RBFOX1: variants seen among roughly 807,000 people sequenced by gnomAD.
The protein encoded by RBFOX1 is RNA binding protein fox-1 homolog 1.
A neutral mutation model predicts 57.7 loss-of-function variants in RBFOX1; 8 were observed. The observed-to-expected ratio is 0.14, with a 90% CI of 0.08 to 0.25. The LOEUF (loss-of-function observed/expected upper bound fraction) is 0.25. RBFOX1 is among the 10% of genes least tolerant of loss of function. The pLI is 1.00. For synonymous variants in RBFOX1, 326 were observed against 222.4 expected, an observed-to-expected ratio of 1.47 and a Z score of -4.15; for missense variants, 611 against 548.5, an observed-to-expected ratio of 1.11 and a Z score of -1.14.
At chr16:5,643,730 C>T (rs533225028) in intron 3 of RBFOX1, among the ~76,000 whole-genome samples, 7 of 152,072 alleles carry the variant, frequency 4.6e-5, no homozygotes, top group Non-Finnish European at 8.8e-5. Flanking sequence ...TTTATTGATT[C>T]TTTTACTGAT....
chr16:6,882,106 G>A (rs2063062782), intron 3 of RBFOX1, among the ~76,000 whole-genome samples: 1 of 152,172 alleles, frequency 6.6e-6, no homozygotes. Flanking sequence ...AGGTTAAGAT[G>A]TAAATTATTT....
intron 4 of RBFOX1, among the ~76,000 whole-genome samples, chr16:7,388,795 G>A (rs1057180524): frequency 1.3e-5 from 2 of 151,926 alleles, no homozygotes; most frequent in Non-Finnish European, 2.9e-5. Context: ...CCAAATGTAG[G>A]CTAATATAAG....
chr16:5,930,958 G>A (rs574853781), intron 4 of RBFOX1, among the ~76,000 whole-genome samples: 8 of 121,330 alleles, frequency 6.6e-5, no homozygotes, highest in Non-Finnish European at 1.0e-4. Context: ...GGGTGGGAGG[G>A]TGGATGGATG....
intron 3 of RBFOX1, among the ~76,000 whole-genome samples, chr16:6,858,317 A>G (rs1458086717): frequency 6.6e-6 from 1 of 152,212 alleles, no homozygotes; most frequent in Non-Finnish European, 1.5e-5. Flanking sequence ...AGATTAGGAT[A>G]TCTAGCTTAG....
At chr16:7,096,256 A>G (rs2061676017) in intron 4 of RBFOX1, among the ~76,000 whole-genome samples, 1 of 152,158 alleles carries the variant, frequency 6.6e-6, no homozygotes, top group South Asian at 2.1e-4. Context: ...AGCTAAGTGG[A>G]GACTCAAAGG....
chr16:5,888,588 G>A (rs2057958146), intron 4 of RBFOX1, among the ~76,000 whole-genome samples: 1 of 152,046 alleles, frequency 6.6e-6, no homozygotes, highest in African/African-American at 2.4e-5. Context: ...CTGAGGTCAG[G>A]AGTTCAAGAC....
At chr16:7,601,061 C>G (rs2094989914) in intron 9 of RBFOX1, among the ~76,000 whole-genome samples, 1 of 152,178 alleles carries the variant, frequency 6.6e-6, no homozygotes, top group Admixed American at 6.5e-5. Flanking sequence ...GCTGAATTCA[C>G]AAGGATTTCC....
chr16:7,315,510 G>C (rs1735010370), intron 4 of RBFOX1, among the ~76,000 whole-genome samples: 1 of 149,920 alleles, frequency 6.7e-6, no homozygotes, highest in African/African-American at 2.4e-5. Flanking sequence ...GAAAGTTTTA[G>C]CTATCTGGTT....
chr16:6,310,886 A>C (rs12102452), intron 1 of RBFOX1, among the ~76,000 whole-genome samples: 82,568 of 150,228 alleles, frequency 0.55, 23,328 homozygotes, highest in East Asian at 0.94. Flanking sequence ...AACAGGTGCA[A>C]ATTTACCAGT....
chr16:7,710,477 T>C, intron 15 of RBFOX1, 146 bp from the exon 16 acceptor site: 1 of 1,516,702 alleles, frequency 6.6e-7, no homozygotes, highest in Non-Finnish European at 8.7e-7. Flanking sequence ...CTATCTTTAG[T>C]TCTCCAAGAA....
rs536540103 is a variant in RBFOX1, at chr16:5,408,220, A to G, written c.220-58996A>G. On this transcript the variant is annotated intron_variant, in intron 1 of 2. Transcript: ENST00000585867. The stretch of plus-strand genomic sequence containing the variant: ...AGGCTTTTATTATCCCAGCTTGGCA[A>G]AACCTCAGCTTAGAGAAAGTGAAAG... Among the ~76,000 whole-genome samples the G allele has an allele frequency of 1.3e-3, 192 of 152,340 alleles. 1 individual carries two copies. The highest frequency in any genetic ancestry group is 4.2e-3 in the African/African-American group (176 of 41,584).
At chr16:6,394,452 T>C (rs1425726439) in intron 2 of RBFOX1, among the ~76,000 whole-genome samples, 2 of 151,956 alleles carry the variant, frequency 1.3e-5, no homozygotes, top group African/African-American at 2.4e-5. Flanking sequence ...AGAAAGAATA[T>C]TGCTTCTTGC....
chr16:6,815,793 T>G (rs753894843), intron 3 of RBFOX1, among the ~76,000 whole-genome samples: 2 of 152,210 alleles, frequency 1.3e-5, no homozygotes, highest in Non-Finnish European at 2.9e-5. Context: ...TCCAACTACC[T>G]AATAGTTTGC....
intron 2 of RBFOX1, among the ~76,000 whole-genome samples, chr16:6,411,371 A>G (rs1398550233): frequency 4.6e-5 from 7 of 152,170 alleles, no homozygotes; most frequent in African/African-American, 1.7e-4. Flanking sequence ...GCAAAAATGT[A>G]TATGTTTATG....
chr16:7,608,413 C>G (rs756750927), intron 10 of RBFOX1, among the ~76,000 whole-genome samples: 2 of 152,186 alleles, frequency 1.3e-5, no homozygotes, highest in Admixed American at 6.5e-5. Flanking sequence ...CTGGATTTTA[C>G]GTAGGCGATG....
intron 3 of RBFOX1, among the ~76,000 whole-genome samples, chr16:5,789,431 A>G (rs2054614967): frequency 6.6e-6 from 1 of 152,054 alleles, no homozygotes; most frequent in African/African-American, 2.4e-5. Context: ...GTATATTTAT[A>G]TGAGTGTGTG....
intron 13 of RBFOX1, among the ~76,000 whole-genome samples, chr16:7,671,398 C>T (rs2071387681): frequency 6.6e-6 from 1 of 152,190 alleles, no homozygotes; most frequent in African/African-American, 2.4e-5. Context: ...TGTCGATGCC[C>T]AGTGCCCCTT....
chr16:6,859,120 T>C (rs28734149), intron 3 of RBFOX1, among the ~76,000 whole-genome samples: 2 of 86,438 alleles, frequency 2.3e-5, no homozygotes, highest in Non-Finnish European at 3.9e-5. Flanking sequence ...TGTATATATA[T>C]ATATATATAC....
chr16:6,710,619 G>A (rs1458911981), intron 3 of RBFOX1, among the ~76,000 whole-genome samples: 2 of 152,218 alleles, frequency 1.3e-5, no homozygotes. Flanking sequence ...TAATTCAAAT[G>A]AGCTACAGCA....
Sources: gnomAD v4.1 joint callset for allele counts (sites outside exome capture counted in the v4.1 genomes callset) on GRCh38, gnomAD v4.1.1 for gene constraint, MANE v1.5 for transcripts, NCBI Gene and HGNC (gene_info 2026-07-23, HGNC 2026-07-21) for gene names.